TRPM3: variants seen among roughly 807,000 people sequenced by gnomAD.
TRPM3 encodes long transient receptor potential channel 3.
In TRPM3, 77 loss-of-function variants were observed where a neutral mutation model predicts 181.2. The ratio of observed to expected loss-of-function variants is 0.42; its 90% confidence interval spans 0.35 to 0.51. The LOEUF is 0.51. TRPM3 is among the 20% of genes least tolerant of loss of function. The pLI, the probability that TRPM3 is intolerant of heterozygous loss-of-function variation, is 0.01. For synonymous variants in TRPM3, 745 were observed against 796.4 expected (o/e 0.94, Z 1.09); for missense variants, 1,759 against 2,196.7 (o/e 0.80, Z 3.98).
intron 22 of TRPM3, among the ~76,000 whole-genome samples, chr9:70,562,392 G>C (rs1451946716): frequency 1.3e-5 from 2 of 152,074 alleles, no homozygotes; most frequent in Non-Finnish European, 2.9e-5. Context: ...AAGCAAACTA[G>C]CTCCCACTGC....
chr9:71,230,674 T>C (rs1373461567), intron 1 of TRPM3, among the ~76,000 whole-genome samples: 1 of 152,178 alleles, frequency 6.6e-6, no homozygotes, highest in Non-Finnish European at 1.5e-5. Context: ...CTGCCCCAAA[T>C]TCTACACTTG....
chr9:70,959,070 G>C (rs1428322013), intron 1 of TRPM3, among the ~76,000 whole-genome samples: 2 of 151,096 alleles, frequency 1.3e-5, no homozygotes. Flanking sequence ...GAGTTAATGG[G>C]TGCAGCACAC....
intron 1 of TRPM3, among the ~76,000 whole-genome samples, chr9:71,112,717 A>C (rs1483224867): frequency 1.3e-5 from 2 of 152,206 alleles, no homozygotes; most frequent in Non-Finnish European, 2.9e-5. Context: ...GATTTTCAAA[A>C]TGAGTTGGAA....
chr9:71,231,091 T>C (rs550865043), intron 1 of TRPM3, among the ~76,000 whole-genome samples: 1 of 152,312 alleles, frequency 6.6e-6, no homozygotes, highest in South Asian at 2.1e-4. Context: ...ACAATATACA[T>C]ACTGATGTAG....
At chr9:71,163,976 G>T (rs1198854453) in intron 1 of TRPM3, among the ~76,000 whole-genome samples, 1 of 152,168 alleles carries the variant, frequency 6.6e-6, no homozygotes, top group Non-Finnish European at 1.5e-5. Flanking sequence ...GAAAATTTCA[G>T]CAGATAATCC....
At chr9:70,950,409 A>G (rs1022005596) in intron 1 of TRPM3, among the ~76,000 whole-genome samples, 3 of 152,220 alleles carry the variant, frequency 2.0e-5, no homozygotes, top group African/African-American at 7.2e-5. Flanking sequence ...GAAAACCTCC[A>G]CAATAGTTTT....
At chr9:71,090,771 T>A (rs1398829023) in intron 1 of TRPM3, among the ~76,000 whole-genome samples, 1 of 152,132 alleles carries the variant, frequency 6.6e-6, no homozygotes, top group Non-Finnish European at 1.5e-5. Context: ...AAATTTTCAT[T>A]TGTAAAATAA....
At chr9:70,697,800 TC>T (rs1208850026) in intron 8 of TRPM3, among the ~76,000 whole-genome samples, 1 of 152,200 alleles carries the variant, frequency 6.6e-6, no homozygotes, top group Non-Finnish European at 1.5e-5. Flanking sequence ...GGTATATGGT[TC>T]TCCAGCAAAT....
At chr9:70,777,788 A>ATGGT (rs1172916972) in intron 7 of TRPM3, among the ~76,000 whole-genome samples, 2 of 152,284 alleles carry the variant, frequency 1.3e-5, no homozygotes, top group African/African-American at 2.4e-5. Flanking sequence ...TAGTACCTAA[A>ATGGT]ACAAGCATTC....
chr9:70,584,349 T>G (rs1420806861), intron 22 of TRPM3, among the ~76,000 whole-genome samples: 1 of 152,240 alleles, frequency 6.6e-6, no homozygotes, highest in Non-Finnish European at 1.5e-5. Context: ...TTTATTGATA[T>G]TCTTTGCCTT....
intron 9 of TRPM3, among the ~76,000 whole-genome samples, chr9:70,669,360 C>T (rs1480659562): frequency 6.6e-6 from 1 of 152,128 alleles, no homozygotes; most frequent in Non-Finnish European, 1.5e-5. Flanking sequence ...ACTGGTGAAC[C>T]CTGGTGTTCT....
At chr9:70,936,433 G>T (rs949907199) in intron 1 of TRPM3, among the ~76,000 whole-genome samples, 4 of 152,146 alleles carry the variant, frequency 2.6e-5, no homozygotes, top group Non-Finnish European at 2.9e-5. Context: ...GCTTTTGATA[G>T]GATGTTTCAT....
chr9:71,206,523 C>T (rs532483042), intron 1 of TRPM3, among the ~76,000 whole-genome samples: 35 of 152,228 alleles, frequency 2.3e-4, no homozygotes, highest in African/African-American at 8.2e-4. Context: ...AATTTTCTCC[C>T]ATTCTGTAGG....
At chr9:71,362,637 TTTATA>T (rs2132735277) in intron 1 of TRPM3, among the ~76,000 whole-genome samples, 1 of 152,310 alleles carries the variant, frequency 6.6e-6, no homozygotes, top group South Asian at 2.1e-4. Flanking sequence ...TCTCCTCCAT[TTTATA>T]TTATTTCCTG....
At position 70,611,748 on chromosome 9, in the gene TRPM3, C is replaced by A. The variant is rs142060696; in HGVS notation, c.2527-999G>T. Among the ~76,000 whole-genome samples, 294 of 152,326 alleles carry A rather than the reference C, an allele frequency of 1.9e-3. 3 individuals are homozygous for A. The highest frequency in any genetic ancestry group is 6.6e-3 in the African/African-American group (275 of 41,580). On this transcript the variant is annotated intron_variant, in intron 18 of 25. Transcript: ENST00000677713. ...TTTATGGAAGTTCCTGTGAACACTG[C>A]CTTCCTCTGCAACTACGTGGGACTA...
intron 1 of TRPM3, among the ~76,000 whole-genome samples, chr9:70,930,925 T>A (rs1311289746): frequency 6.6e-6 from 1 of 151,998 alleles, no homozygotes; most frequent in Non-Finnish European, 1.5e-5. Context: ...AATGTAATAA[T>A]CAAGGCTGGA....
chr9:71,311,301 T>A (rs771651995), intron 1 of TRPM3, among the ~76,000 whole-genome samples: 15 of 152,138 alleles, frequency 9.9e-5, no homozygotes, highest in Non-Finnish European at 2.2e-4. Flanking sequence ...GAGAGCAACA[T>A]GTTCAAGAAT....
At position 71,162,462 on chromosome 9, in the gene TRPM3, T is replaced by C. The variant is rs549545628; in HGVS notation, c.183+284191A>G. Among the ~76,000 whole-genome samples the C allele has an allele frequency of 2.6e-5, 4 of 152,174 alleles. No homozygotes were observed. The South Asian group carries it at 6.2e-4, about 24-fold the overall frequency. ...AGTTTTTCTGTATCATGCATTTTAT[T>C]GTACTCTTATTTAAGAAAATGGGTA... On this transcript the variant is annotated intron_variant, in intron 1 of 24. Transcript: ENST00000357533.
chr9:71,357,221 T>C (rs11793994), intron 1 of TRPM3, among the ~76,000 whole-genome samples: 2,043 of 152,312 alleles, frequency 0.013, 45 homozygotes, highest in African/African-American at 0.045. Flanking sequence ...GCTTTACTTC[T>C]TGCTGCAGTA....
Sources: gnomAD v4.1 joint callset for allele counts (sites outside exome capture counted in the v4.1 genomes callset) on GRCh38, gnomAD v4.1.1 for gene constraint, MANE v1.5 for transcripts, NCBI Gene and HGNC (gene_info 2026-07-23, HGNC 2026-07-21) for gene names.